The following NEIL3 variants were observed in gnomAD, a reference collection of about 807,000 sequenced individuals.
NEIL3 encodes nei like DNA glycosylase 3, also known as endonuclease 8-like 3.
A neutral mutation model predicts 57.5 loss-of-function variants in NEIL3; 48 were observed. That is an observed-to-expected ratio of 0.83 (90% confidence interval 0.66 to 1.06). The LOEUF (loss-of-function observed/expected upper bound fraction) is 1.06, where lower values mean the gene tolerates loss of function less well. NEIL3 is among the 50% of genes least tolerant of loss of function. The pLI, the probability that NEIL3 is intolerant of heterozygous loss-of-function variation, is 0.00. For missense variants in NEIL3, 717 were observed against 739.1 expected (o/e 0.97, Z 0.35); for synonymous variants, 261 against 253.2 (o/e 1.03, Z -0.29).
chr4:177,366,811 G>C (rs1735698792), downstream of NEIL3, among the ~76,000 whole-genome samples: 1 of 152,178 alleles, frequency 6.6e-6, no homozygotes, highest in African/African-American at 2.4e-5. Context: ...CCAGATCCCT[G>C]AGACTCTCTT....
At chr4:177,368,772 C>A in the NEIL3 span, among the ~76,000 whole-genome samples, 3 of 152,286 alleles carry the variant, frequency 2.0e-5, no homozygotes, top group African/African-American at 7.2e-5. Context: ...GCTGTTAAAT[C>A]TTTCCAGTAG....
intron 1 of NEIL3, among the ~76,000 whole-genome samples, chr4:177,317,932 G>C (rs891750779): frequency 6.6e-6 from 1 of 152,074 alleles, no homozygotes; most frequent in African/African-American, 2.4e-5. Flanking sequence ...GATGACAGTA[G>C]GTTTGCAGAT....
At chr4:177,355,919 T>C (rs1735464673) in intron 8 of NEIL3, among the ~76,000 whole-genome samples, 1 of 152,178 alleles carries the variant, frequency 6.6e-6, no homozygotes, top group Non-Finnish European at 1.5e-5. Context: ...TAACTTTTGT[T>C]CATATACTCA....
At position 177,345,471 on chromosome 4, in the gene NEIL3, T is replaced by TA. The variant is rs59454131; in HGVS notation, c.869+3829_869+3830insA. On this transcript the variant is annotated intron_variant, in intron 6 of 9. Coordinates refer to ENST00000264596, the MANE Select transcript of NEIL3 (RefSeq NM_018248.3). ...GCTGTCTGCAAACCAACTCTTTTTT[T>TA]TTTTTATTATTATTATACTTTAAGT... Among the ~76,000 whole-genome samples, 466 of 145,894 alleles carry TA rather than the reference T, an allele frequency of 3.2e-3. 11 individuals carry two copies. In the East Asian group the frequency reaches 0.061, roughly 19 times the overall value.
intron 1 of NEIL3, among the ~76,000 whole-genome samples, chr4:177,319,865 G>C (rs1033950874): frequency 6.6e-6 from 1 of 152,032 alleles, no homozygotes; most frequent in Non-Finnish European, 1.5e-5. Flanking sequence ...AATTTCACAG[G>C]GTATGGCTAA....
At chr4:177,348,074 C>T (rs1418874946) in intron 6 of NEIL3, among the ~76,000 whole-genome samples, 2 of 152,186 alleles carry the variant, frequency 1.3e-5, no homozygotes, top group Admixed American at 6.5e-5. Flanking sequence ...TTTCTTTAAG[C>T]AGTACTTCTC....
chr4:177,320,621 G>T (rs1390273747), intron 1 of NEIL3, among the ~76,000 whole-genome samples: 1 of 151,268 alleles, frequency 6.6e-6, no homozygotes, highest in Non-Finnish European at 1.5e-5. Context: ...GGGGCTACAG[G>T]CGCCCGCCAC....
chr4:177,311,580 A>G (rs1272995712), intron 1 of NEIL3, among the ~76,000 whole-genome samples: 1 of 151,330 alleles, frequency 6.6e-6, no homozygotes, highest in Admixed American at 6.6e-5. Context: ...AGGCTGAGGC[A>G]GGAGAATCGC....
At position 177,335,767 on chromosome 4, in the gene NEIL3, G is replaced by A; in HGVS notation, c.358G>A (p.Glu120Lys). ...KYKNGASPVL[E>K]VQLTKDLICF... is the part of the protein sequence containing the mutation. ...TAAAAATGGAGCTTCTCCTGTTTTG[G>A]AAGTGCAGCTCACCAAAGATTTGAT... The change falls in exon 3 of 10, where the codon GAA (glutamate) becomes AAA (lysine). Residue 120 changes from glutamate to lysine, a missense_variant. By Grantham distance (56) the Glu-to-Lys change is moderately conservative. Coordinates refer to ENST00000264596, the MANE Select transcript of NEIL3 (RefSeq NM_018248.3). 6.3e-7 allele frequency: 1 copy of A among 1,591,146 alleles called. No individual in the cohort carries two copies. The highest frequency in any genetic ancestry group is 8.5e-7 in the Non-Finnish European group (1 of 1,171,678).
intron 6 of NEIL3, among the ~76,000 whole-genome samples, chr4:177,344,999 A>G (rs1228117292): frequency 1.3e-5 from 2 of 152,118 alleles, no homozygotes; most frequent in Non-Finnish European, 2.9e-5. Flanking sequence ...TACTTTATTT[A>G]TTAGGGTCTG....
At chr4:177,315,464 G>A (rs1421555271) in intron 1 of NEIL3, among the ~76,000 whole-genome samples, 1 of 152,202 alleles carries the variant, frequency 6.6e-6, no homozygotes, top group Non-Finnish European at 1.5e-5. Flanking sequence ...AAATAATACA[G>A]TAATGGATTA....
At chr4:177,320,367 G>A (rs1734654542) in intron 1 of NEIL3, among the ~76,000 whole-genome samples, 1 of 151,700 alleles carries the variant, frequency 6.6e-6, no homozygotes, top group Non-Finnish European at 1.5e-5. Flanking sequence ...CCCAGAAAGG[G>A]CAACCAAAGA....
Position 177,309,933 on chromosome 4 carries a change from GC to G in NEIL3, c.-19del, listed in dbSNP as rs1236741882. 3.7e-6 allele frequency: 6 copies of G among 1,601,274 alleles called. No homozygotes were observed. Among genetic ancestry groups the G allele is most frequent in the Non-Finnish European group, 4.3e-6 (5 of 1,174,992 alleles). On this transcript the variant is annotated 5_prime_UTR_variant, in exon 1 of 10. Transcript: ENST00000264596. ...TCTCACCAGGCCCTGCAATCGGTGG[GC>G]CACAGTGCCGGCCACAGAGATGGTG...
At chr4:177,360,829 A>C (rs1264629344) in intron 9 of NEIL3, 152 bp downstream of exon 9, 1 of 559,770 alleles carries the variant, frequency 1.8e-6, no homozygotes, top group African/African-American at 1.9e-5. Flanking sequence ...AATGTTGACT[A>C]ACTTAAAATT....
chr4:177,366,758 G>A (rs1229531496), downstream of NEIL3, among the ~76,000 whole-genome samples: 4 of 152,116 alleles, frequency 2.6e-5, no homozygotes, highest in African/African-American at 4.8e-5. Flanking sequence ...TGATACAAAC[G>A]TTAGATTATT....
In NEIL3 at chr4:177,348,858, A is replaced by ATTTTTTTTTTTTTTTTTTTTTTT. The variant is rs749391559; in HGVS notation, c.870-2517_870-2495dup. Among the ~76,000 whole-genome samples the ATTTTTTTTTTTTTTTTTTTTTTT allele has an allele frequency of 1.1e-4, 8 of 73,734 alleles. 2 individuals are homozygous for ATTTTTTTTTTTTTTTTTTTTTTT. The highest frequency in any genetic ancestry group is 4.2e-4 in the African/African-American group (7 of 16,564). The allele number at this position is 73,734 out of a possible 152,430, so 48.4% of individuals were successfully genotyped here. A position where few individuals can be genotyped will look rare whatever the true frequency, so the allele number is the denominator to read the frequency against. Reference sequence around the variant, plus strand: ...AGAATTGCAGATTGGTGGCTCATGAATTTTTTTTTTTTTTTTTTTTTTTTT... The same window carrying ATTTTTTTTTTTTTTTTTTTTTTT: ...AGAATTGCAGATTGGTGGCTCATGAATTTTTTTTTTTTTTTTTTTTTTTTTTTTTTTTTTTTTTTTTTTTTTTT... On this transcript the variant is annotated intron_variant, in intron 6 of 9. Transcript: ENST00000264596.
chr4:177,346,957 G>A (rs182571418), intron 6 of NEIL3, among the ~76,000 whole-genome samples: 279 of 150,512 alleles, frequency 1.9e-3, no homozygotes, highest in Admixed American at 3.6e-3. Context: ...AGCCGAGATC[G>A]CGCCAATGCA....
At chr4:177,321,387 T>C (rs958980505) in intron 1 of NEIL3, among the ~76,000 whole-genome samples, 1 of 152,152 alleles carries the variant, frequency 6.6e-6, no homozygotes, top group Non-Finnish European at 1.5e-5. Context: ...TAATTACGCA[T>C]GTCTTAAGTT....
In NEIL3 at chr4:177,357,631, G is replaced by A. The variant is rs536773580; in HGVS notation, c.1461-2872G>A. On this transcript the variant is annotated intron_variant, in intron 8 of 9. Transcript: ENST00000264596. ...AAGTATTGAGAATCTATTATGCCTC[G>A]GGCATTGTTCTTGATTCTAATGACA... 2.3e-4 allele frequency among the ~76,000 whole-genome samples: 35 copies of A among 152,072 alleles called. No homozygotes were observed. The South Asian group carries it at 3.1e-3, about 14-fold the overall frequency.
Sources: allele counts gnomAD v4.1 joint callset (sites outside exome capture counted in the v4.1 genomes callset), GRCh38; gene constraint gnomAD v4.1.1; transcripts MANE v1.5; gene names NCBI Gene and HGNC (gene_info 2026-07-23, HGNC 2026-07-21).